Variants in LINGO2 observed in about 807,000 individuals in gnomAD.
LINGO2 encodes the protein leucine-rich repeat and immunoglobulin-like domain-containing nogo receptor-interacting protein 2.
Under a neutral mutation model 30.6 loss-of-function variants are expected in LINGO2, and 14 were observed. That is an observed-to-expected ratio of 0.46 (90% CI 0.30 to 0.72). LINGO2 has a LOEUF of 0.72. Among genes scored for constraint, LINGO2 ranks in the 30% least tolerant of loss-of-function variants. The pLI, the probability that LINGO2 is intolerant of heterozygous loss-of-function variation, is 0.07. For synonymous variants in LINGO2, 317 were observed against 288.5 expected (o/e 1.10, Z -1.00); for missense variants, 729 against 751.7 (o/e 0.97, Z 0.35).
the LINGO2 span, among the ~76,000 whole-genome samples, chr9:28,822,349 G>A: frequency 6.6e-6 from 1 of 152,132 alleles, no homozygotes; most frequent in Non-Finnish European, 1.5e-5. Context: ...CAATATGGAA[G>A]TTTTAACTGT....
intron 1 of LINGO2, among the ~76,000 whole-genome samples, chr9:28,484,059 T>C (rs958936422): frequency 6.6e-5 from 10 of 152,068 alleles, no homozygotes; most frequent in African/African-American, 2.4e-4. Context: ...GGTTCTAGTG[T>C]CAGCAACAGC....
At chr9:28,960,858 CATTT>C in the LINGO2 span, among the ~76,000 whole-genome samples, 33 of 151,392 alleles carry the variant, frequency 2.2e-4, no homozygotes, top group African/African-American at 8.0e-4. Context: ...TTTATTAATT[CATTT>C]GTTCATTTAT....
intron 1 of LINGO2, among the ~76,000 whole-genome samples, chr9:28,517,146 T>C (rs2135386531): frequency 6.6e-6 from 1 of 152,340 alleles, no homozygotes; most frequent in Admixed American, 6.5e-5. Flanking sequence ...TTCATTCGTC[T>C]TCACTTAACC....
the LINGO2 span, among the ~76,000 whole-genome samples, chr9:29,043,821 A>G: frequency 6.6e-6 from 1 of 152,084 alleles, no homozygotes; most frequent in Non-Finnish European, 1.5e-5. Context: ...CACATGATGT[A>G]TATGCAAAGA....
chr9:28,512,144 T>C (rs926612454), intron 1 of LINGO2, among the ~76,000 whole-genome samples: 1 of 152,082 alleles, frequency 6.6e-6, no homozygotes, highest in Non-Finnish European at 1.5e-5. Context: ...TTCCATTTGA[T>C]GACGCAATGC....
the LINGO2 span, among the ~76,000 whole-genome samples, chr9:28,845,201 G>A: frequency 1.3e-5 from 2 of 151,854 alleles, no homozygotes; most frequent in Non-Finnish European, 2.9e-5. Flanking sequence ...AGCTGTACTT[G>A]ACAGTGCGAT....
At chr9:28,313,640 C>T (rs1215039032) in intron 3 of LINGO2, among the ~76,000 whole-genome samples, 2 of 152,088 alleles carry the variant, frequency 1.3e-5, no homozygotes, top group African/African-American at 2.4e-5. Context: ...CTCAGAATCA[C>T]CCTCAAACTT....
chr9:28,248,940 T>A (rs1272654265), intron 4 of LINGO2, among the ~76,000 whole-genome samples: 1 of 152,086 alleles, frequency 6.6e-6, no homozygotes, highest in Non-Finnish European at 1.5e-5. Context: ...TCTAAGTCAT[T>A]CATGTCATTA....
chr9:28,539,501 T>TG (rs1821583911), intron 1 of LINGO2, among the ~76,000 whole-genome samples: 1 of 144,016 alleles, frequency 6.9e-6, no homozygotes, highest in African/African-American at 2.5e-5. Context: ...TTTAGCAAAA[T>TG]AAAAAAAAAA....
At chr9:28,352,132 T>C (rs891293849) in intron 3 of LINGO2, among the ~76,000 whole-genome samples, 3 of 150,652 alleles carry the variant, frequency 2.0e-5, no homozygotes, top group Non-Finnish European at 4.5e-5. Flanking sequence ...TTCAACATAG[T>C]GTTGGAAGTT....
At chr9:28,020,802 A>G (rs1184802505) in intron 4 of LINGO2, among the ~76,000 whole-genome samples, 1 of 152,166 alleles carries the variant, frequency 6.6e-6, no homozygotes, top group Non-Finnish European at 1.5e-5. Context: ...CACTTTATCT[A>G]AGGTAACAAA....
At position 28,129,740 on chromosome 9, in the gene LINGO2, G is replaced by T. The variant is rs1827332273; in HGVS notation, c.-86-117335C>A. 1 of 152,166 alleles carries T rather than the reference G, an allele frequency of 6.6e-6. No individual in the cohort carries two copies. The highest frequency in any genetic ancestry group is 1.5e-5 in the Non-Finnish European group (1 of 68,034). The allele number at this position is 152,166 out of a possible 1,614,324, so 9.4% of individuals were successfully genotyped here. A position where few individuals can be genotyped will look rare whatever the true frequency, so the allele number is the denominator to read the frequency against. On this transcript the variant is annotated intron_variant, in intron 4 of 5. Transcript: ENST00000379992. This position sits in a 1 kb window ranked among gnomAD's most constrained non-coding sequence, Gnocchi z 4.0. Reference sequence around the variant, plus strand: ...CATTGCTCAAATGTACAGAAATTTGGTATAGACATATTGCTGGTGATTTGA... The same window carrying T: ...CATTGCTCAAATGTACAGAAATTTGTTATAGACATATTGCTGGTGATTTGA...
chr9:29,082,097 C>A, the LINGO2 span, among the ~76,000 whole-genome samples: 29,884 of 151,726 alleles, frequency 0.2, 3,085 homozygotes, highest in African/African-American at 0.24. Context: ...TCATATGGAA[C>A]CAAAAAAGAG....
chr9:28,270,663 G>A (rs1051936288), intron 4 of LINGO2, among the ~76,000 whole-genome samples: 11 of 152,096 alleles, frequency 7.2e-5, no homozygotes, highest in African/African-American at 2.7e-4. Flanking sequence ...GACTGAATAT[G>A]TTTTGAAGGC....
chr9:28,627,861 A>G (rs1001608155), intron 1 of LINGO2, among the ~76,000 whole-genome samples: 3 of 152,106 alleles, frequency 2.0e-5, no homozygotes, highest in Non-Finnish European at 4.4e-5. Context: ...GAGATAAAAT[A>G]CCAAGCATTT....
intron 4 of LINGO2, among the ~76,000 whole-genome samples, chr9:28,193,888 G>T (rs1479574237): frequency 6.6e-6 from 1 of 152,188 alleles, no homozygotes; most frequent in Non-Finnish European, 1.5e-5. Flanking sequence ...GGCTAGTTTG[G>T]TCTCCTTTAC....
chr9:28,864,660 G>C, the LINGO2 span, among the ~76,000 whole-genome samples: 1 of 151,786 alleles, frequency 6.6e-6, no homozygotes, highest in Non-Finnish European at 1.5e-5. Flanking sequence ...GAACATAAGA[G>C]TCCTAGGCAG....
the LINGO2 span, among the ~76,000 whole-genome samples, chr9:28,848,387 G>A: frequency 8.3e-3 from 429 of 51,792 alleles, 12 homozygotes; most frequent in African/African-American, 0.026. Flanking sequence ...GTGTGTGTGT[G>A]TGTGTGTGTG....
At chr9:28,002,302 C>T (rs1822000047) in intron 5 of LINGO2, among the ~76,000 whole-genome samples, 2 of 151,786 alleles carry the variant, frequency 1.3e-5, no homozygotes, top group South Asian at 2.1e-4. Flanking sequence ...CAATTTGTTT[C>T]ATATGACAAA....
Sources: gnomAD v4.1 joint callset for allele counts (sites outside exome capture counted in the v4.1 genomes callset) on GRCh38, gnomAD v4.1.1 for gene constraint, Gnocchi (gnomAD v3.1) non-coding constraint, MANE v1.5 for transcripts, NCBI Gene and HGNC (gene_info 2026-07-23, HGNC 2026-07-21) for gene names.